GUCY1A2: variants seen among roughly 807,000 people sequenced by gnomAD.
GUCY1A2 encodes the protein guanylate cyclase soluble subunit alpha-2.
Under a neutral mutation model 63.5 loss-of-function variants are expected in GUCY1A2, and 27 were observed. The ratio of observed to expected loss-of-function variants is 0.43; its 90% confidence interval spans 0.31 to 0.59. The LOEUF is 0.59. GUCY1A2 is among the 20% of genes least tolerant of loss of function. The pLI is 0.11. For synonymous variants in GUCY1A2, 364 were observed against 343.5 expected (o/e 1.06, Z -0.66); for missense variants, 768 against 913.3 (o/e 0.84, Z 2.05).
chr11:107,017,834 G>A lies in GUCY1A2; in HGVS notation c.222C>T (p.Ala74=), dbSNP rs761268010. ...AASAAAAAAT[A]GARRVQRRRR... ...TCCGGCGCTGCACCCTCCTGGCCCC[G>A]GCAGTGGCAGCGGCGGCGGCGGCAG... is the stretch of plus-strand genomic sequence containing the variant. The change falls in exon 1 of 8, where the codon GCC becomes GCT. Residue 74 remains alanine, a synonymous_variant. Coordinates refer to ENST00000526355, the MANE Select transcript of GUCY1A2 (RefSeq NM_000855.3). The A allele has an allele frequency of 8.2e-5, 105 of 1,288,224 alleles. No individual in the cohort carries two copies. Among genetic ancestry groups the A allele is most frequent in the Non-Finnish European group, 1.0e-4 (102 of 1,019,742 alleles). The allele number at this position is 1,288,224 out of a possible 1,614,324, so 79.8% of individuals were successfully genotyped here. A position where few individuals can be genotyped will look rare whatever the true frequency, so the allele number is the denominator to read the frequency against.
At chr11:106,786,835 A>G (rs889438174) in intron 5 of GUCY1A2, among the ~76,000 whole-genome samples, 1 of 152,154 alleles carries the variant, frequency 6.6e-6, no homozygotes, top group African/African-American at 2.4e-5. Context: ...CCACCACCAT[A>G]TTAATACTCA....
rs745579342 is a variant in GUCY1A2, at chr11:106,974,961, G to A, written c.487+3658C>T. On this transcript the variant is annotated intron_variant, in intron 3 of 7. Transcript: ENST00000526355. ...TCCTCAGTAAATGAATTAACCTAGA[G>A]CTCTCATTTCTATTTGTTCTCTAAA... Among the ~76,000 whole-genome samples the A allele has an allele frequency of 9.2e-5, 14 of 151,934 alleles. 1 individual carries two copies. Among genetic ancestry groups the A allele is most frequent in the African/African-American group, 2.4e-4 (10 of 41,382 alleles).
intron 4 of GUCY1A2, among the ~76,000 whole-genome samples, chr11:106,900,940 T>C (rs950354333): frequency 6.6e-6 from 1 of 152,226 alleles, no homozygotes; most frequent in Non-Finnish European, 1.5e-5. Context: ...GGGTTGTTGC[T>C]GAAGGTTGAG....
chr11:106,844,784 T>G (rs1296889448), intron 4 of GUCY1A2, among the ~76,000 whole-genome samples: 2 of 151,634 alleles, frequency 1.3e-5, no homozygotes, highest in Non-Finnish European at 3.0e-5. Context: ...AGAATCAGAG[T>G]GGAAGGGCTT....
chr11:106,863,322 G>A (rs1238708053), intron 4 of GUCY1A2, among the ~76,000 whole-genome samples: 2 of 152,108 alleles, frequency 1.3e-5, no homozygotes, highest in Non-Finnish European at 2.9e-5. Context: ...TATATAAGGT[G>A]TAAGGAAGGG....
chr11:106,981,979 C>A (rs1861342507), intron 2 of GUCY1A2, among the ~76,000 whole-genome samples: 1 of 152,122 alleles, frequency 6.6e-6, no homozygotes, highest in South Asian at 2.1e-4. Context: ...TATTGATTAT[C>A]TTTGTGTACC....
At chr11:106,818,117 G>A (rs1858854073) in intron 4 of GUCY1A2, among the ~76,000 whole-genome samples, 1 of 152,104 alleles carries the variant, frequency 6.6e-6, no homozygotes, top group African/African-American at 2.4e-5. Flanking sequence ...GGATAATTGT[G>A]GTATGGATTG....
intron 4 of GUCY1A2, among the ~76,000 whole-genome samples, chr11:106,896,116 ACAC>A (rs1380615182): frequency 1.3e-5 from 2 of 151,892 alleles, no homozygotes; most frequent in Non-Finnish European, 1.5e-5. Flanking sequence ...ATGTAAGTAT[ACAC>A]CACAACCAAG....
intron 5 of GUCY1A2, among the ~76,000 whole-genome samples, chr11:106,806,159 A>G (rs1858681655): frequency 6.6e-6 from 1 of 152,152 alleles, no homozygotes; most frequent in African/African-American, 2.4e-5. Flanking sequence ...CACCTGTCTG[A>G]GAAGTTCTAA....
intron 4 of GUCY1A2, chr11:106,826,944 T>A: frequency 1.2e-6 from 2 of 1,610,584 alleles, no homozygotes; most frequent in Admixed American, 3.3e-5. Flanking sequence ...GTGTAACTCC[T>A]GTAGCACTGA....
intron 6 of GUCY1A2, among the ~76,000 whole-genome samples, chr11:106,754,787 G>C (rs553750119): frequency 6.6e-6 from 1 of 152,174 alleles, no homozygotes; most frequent in Non-Finnish European, 1.5e-5. Flanking sequence ...TCACATCAAT[G>C]TTCATCAGGG....
chr11:106,778,756 A>G (rs1864406747), intron 5 of GUCY1A2, among the ~76,000 whole-genome samples: 1 of 152,156 alleles, frequency 6.6e-6, no homozygotes, highest in Non-Finnish European at 1.5e-5. Flanking sequence ...TAAATATCTC[A>G]TATTTATTGA....
intron 6 of GUCY1A2, among the ~76,000 whole-genome samples, chr11:106,763,608 C>G (rs1864107332): frequency 6.6e-6 from 1 of 152,020 alleles, no homozygotes; most frequent in South Asian, 2.1e-4. Context: ...ATCAGAAAAT[C>G]TGGGCGGTCA....
intron 4 of GUCY1A2, among the ~76,000 whole-genome samples, chr11:106,910,890 G>A (rs567463680): frequency 1.3e-5 from 2 of 152,176 alleles, no homozygotes; most frequent in East Asian, 3.9e-4. Context: ...ATGACTCTGA[G>A]AGAAGGAGAC....
chr11:106,880,071 G>A (rs907411202), intron 4 of GUCY1A2, among the ~76,000 whole-genome samples: 7 of 151,740 alleles, frequency 4.6e-5, no homozygotes, highest in African/African-American at 1.2e-4. Flanking sequence ...TGGCCAGTGC[G>A]CTTGACAGCA....
Position 106,681,323 on chromosome 11 carries a change from A to G in GUCY1A2, c.*6226T>C, listed in dbSNP as rs571985917. On this transcript the variant is annotated 3_prime_UTR_variant, in exon 8 of 8. Transcript: ENST00000526355. ...CCATATCAAACCAACATTTGAATAA[A>G]TCTGCCGCAAGACCCATCTATATTT... is the stretch of plus-strand genomic sequence containing the variant. 8.9e-6 allele frequency: 2 copies of G among 225,548 alleles called. No homozygotes were observed. Among genetic ancestry groups the G allele is most frequent in the East Asian group, 1.3e-4 (2 of 15,734 alleles). 14.0% of individuals were successfully genotyped at this position (225,548 alleles called of 1,614,324 possible).
At chr11:106,985,178 C>A (rs993960104) in intron 2 of GUCY1A2, among the ~76,000 whole-genome samples, 2 of 152,162 alleles carry the variant, frequency 1.3e-5, no homozygotes, top group Non-Finnish European at 2.9e-5. Flanking sequence ...TCAAGAAGTA[C>A]CACAGTTTGA....
intron 5 of GUCY1A2, among the ~76,000 whole-genome samples, chr11:106,805,754 C>T (rs533442581): frequency 1.6e-4 from 25 of 152,202 alleles, no homozygotes; most frequent in Admixed American, 1.3e-3. Context: ...AGATGGCAGA[C>T]GGGAGAATCT....
At chr11:106,898,485 C>A (rs538739488) in intron 4 of GUCY1A2, among the ~76,000 whole-genome samples, 2 of 152,206 alleles carry the variant, frequency 1.3e-5, no homozygotes, top group Non-Finnish European at 2.9e-5. Context: ...TCTGAACATG[C>A]AGGCAATGAA....
Sources: allele counts gnomAD v4.1 joint callset (sites outside exome capture counted in the v4.1 genomes callset), GRCh38; gene constraint gnomAD v4.1.1; transcripts MANE v1.5; gene names NCBI Gene and HGNC (gene_info 2026-07-23, HGNC 2026-07-21).